DDR2: variants seen among roughly 807,000 people sequenced by gnomAD.
DDR2 encodes discoidin domain receptor tyrosine kinase 2, also known as discoidin domain-containing receptor 2.
In DDR2, 27 loss-of-function variants were observed where a neutral mutation model predicts 94.9. The ratio of observed to expected loss-of-function variants is 0.28; its 90% CI spans 0.21 to 0.39. The LOEUF (loss-of-function observed/expected upper bound fraction) is 0.39. DDR2 is among the 10% of genes least tolerant of loss of function. DDR2 has a pLI of 1.00. For synonymous variants in DDR2, 382 were observed against 377.2 expected (o/e 1.01, Z -0.15); for missense variants, 783 against 1,076.0 (o/e 0.73, Z 3.81).
In DDR2 at chr1:162,780,824, A is replaced by C; in HGVS notation, c.*578A>C. ...CAAAGTGAATGATATATTCTTGAAAACCCCCAATTTCTTGAAATGGGTGTT... is the reference window on the plus strand; with the variant it reads ...CAAAGTGAATGATATATTCTTGAAACCCCCCAATTTCTTGAAATGGGTGTT... On this transcript the variant is annotated 3_prime_UTR_variant, in exon 18 of 18. Transcript: ENST00000367921. 1 of 152,982 alleles carries C rather than the reference A, an allele frequency of 6.5e-6. No homozygotes were observed. Among genetic ancestry groups the C allele is most frequent in the Admixed American group, 6.5e-5 (1 of 15,462 alleles). 9.5% of individuals were successfully genotyped at this position (152,982 alleles called of 1,614,324 possible). A position where few individuals can be genotyped will look rare whatever the true frequency, so the allele number is the denominator to read the frequency against.
chr1:162,737,191 G>A lies in DDR2; in HGVS notation c.83-15904G>A, dbSNP rs1257949688. On this transcript the variant is annotated intron_variant, in intron 3 of 17. Coordinates refer to ENST00000367921, the MANE Select transcript of DDR2 (RefSeq NM_006182.4). ...TTTTTATTATACTTTAAGTTTTAGGGTACATGTGCACATTGTGCAGGTTAG... is the reference window on the plus strand; with the variant it reads ...TTTTTATTATACTTTAAGTTTTAGGATACATGTGCACATTGTGCAGGTTAG... Among the ~76,000 whole-genome samples, 3 of 138,182 alleles carry A rather than the reference G, an allele frequency of 2.2e-5. No individual in the cohort carries two copies. The Admixed American group carries it at 2.3e-4, about 11-fold the overall frequency. The allele number at this position is 138,182 out of a possible 152,430, so 90.7% of individuals were successfully genotyped here.
chr1:162,768,733 G>A (rs576930557), intron 11 of DDR2, among the ~76,000 whole-genome samples: 1 of 152,292 alleles, frequency 6.6e-6, no homozygotes, highest in South Asian at 2.1e-4. Context: ...AATATTTCAT[G>A]GAAGAGAAGG....
At chr1:162,661,100 A>G (rs1658271369) in intron 2 of DDR2, among the ~76,000 whole-genome samples, 1 of 152,196 alleles carries the variant, frequency 6.6e-6, no homozygotes, top group Non-Finnish European at 1.5e-5. Context: ...ATTCCCAGGC[A>G]ACCCACAAAG....
Position 162,765,461 on chromosome 1 carries a change from T to G in DDR2, c.1100-540T>G, listed in dbSNP as rs149031820. Among the ~76,000 whole-genome samples, 150 of 152,260 alleles carry G rather than the reference T, an allele frequency of 9.9e-4. 6 individuals are homozygous for G. In the East Asian group the frequency reaches 0.028, roughly 28 times the overall value. ...GCCAACATCAATCTGGCAAATACGC[T>G]TTTGTGGTTTAGTCTCAAAAGCTGT... On this transcript the variant is annotated intron_variant, in intron 9 of 17. Transcript: ENST00000367921.
chr1:162,700,228 C>A (rs1471185334), intron 2 of DDR2, among the ~76,000 whole-genome samples: 2 of 152,206 alleles, frequency 1.3e-5, no homozygotes, highest in African/African-American at 4.8e-5. Flanking sequence ...TGTTTGGCGA[C>A]AATATCCTGG....
intron 1 of DDR2, among the ~76,000 whole-genome samples, chr1:162,636,207 G>T (rs1656809190): frequency 6.6e-6 from 1 of 152,164 alleles, no homozygotes; most frequent in Non-Finnish European, 1.5e-5. Context: ...CCAGCATTTG[G>T]CAAATTGTGT....
At chr1:162,727,933 G>C (rs1661777245) in intron 3 of DDR2, among the ~76,000 whole-genome samples, 1 of 140,550 alleles carries the variant, frequency 7.1e-6, no homozygotes, top group African/African-American at 2.6e-5. Context: ...AGGACCAAGA[G>C]CTAAGTCGAC....
At chr1:162,658,552 C>T (rs1311004033) in intron 2 of DDR2, among the ~76,000 whole-genome samples, 10 of 151,290 alleles carry the variant, frequency 6.6e-5, no homozygotes, top group African/African-American at 1.7e-4. Flanking sequence ...CTCTTCAGGC[C>T]GCTCAATGGC....
At chr1:162,778,109 T>A (rs572410770) in intron 16 of DDR2, 1 of 251,040 alleles carries the variant, frequency 4.0e-6, no homozygotes, top group East Asian at 9.7e-5. Context: ...ATGCATGCTA[T>A]TTACACCTGA....
intron 2 of DDR2, among the ~76,000 whole-genome samples, chr1:162,675,725 C>G (rs1389664915): frequency 6.6e-6 from 1 of 151,998 alleles, no homozygotes; most frequent in Non-Finnish European, 1.5e-5. Context: ...GAGAAGTGGT[C>G]AATGAAGTTT....
chr1:162,655,381 AGG>A lies in DDR2; in HGVS notation c.-28+8_-28+9del, dbSNP rs1440419514. ...ATGCTCTGCACCCGTTGATGTAAGT[AGG>A]TCCAGTCACTGAGGCTCTGTTACCA... is the stretch of plus-strand genomic sequence containing the variant. On this transcript the variant is annotated splice_region_variant and intron_variant, in intron 2 of 17. Coordinates refer to ENST00000367921, the MANE Select transcript of DDR2 (RefSeq NM_006182.4). 4.6e-5 allele frequency: 7 copies of A among 152,278 alleles called. No homozygotes were observed. The highest frequency in any genetic ancestry group is 6.8e-3 in the Middle Eastern group (2 of 294). 9.4% of individuals were successfully genotyped at this position (152,278 alleles called of 1,614,324 possible). A position where few individuals can be genotyped will look rare whatever the true frequency, so the allele number is the denominator to read the frequency against.
At chr1:162,675,930 C>T (rs760850668) in intron 2 of DDR2, among the ~76,000 whole-genome samples, 4 of 152,094 alleles carry the variant, frequency 2.6e-5, no homozygotes, top group South Asian at 2.1e-4. Flanking sequence ...GAGAAGTCCT[C>T]GGCCTGGCCT....
chr1:162,741,835 A>C, intron 3 of DDR2: 1 of 760,624 alleles, frequency 1.3e-6, no homozygotes, highest in Non-Finnish European at 1.6e-6. Flanking sequence ...CTCTTTATTC[A>C]TTAAGTCACT....
At chr1:162,654,317 G>GGACTACA (rs1657849635) in intron 1 of DDR2, among the ~76,000 whole-genome samples, 1 of 151,980 alleles carries the variant, frequency 6.6e-6, no homozygotes, top group Non-Finnish European at 1.5e-5. Context: ...ATGGTGGTGT[G>GGACTACA]TGCCTGTAGT....
intron 1 of DDR2, among the ~76,000 whole-genome samples, chr1:162,635,862 T>C (rs1656791957): frequency 6.6e-6 from 1 of 152,244 alleles, no homozygotes; most frequent in South Asian, 2.1e-4. Context: ...CCTCTGCTGA[T>C]AAATCTCCAA....
intron 1 of DDR2, among the ~76,000 whole-genome samples, chr1:162,637,839 T>G (rs2101883472): frequency 6.6e-6 from 1 of 152,298 alleles, no homozygotes; most frequent in Admixed American, 6.5e-5. Context: ...GACGCAATTC[T>G]TGTCCTTAGG....
intron 1 of DDR2, among the ~76,000 whole-genome samples, chr1:162,645,462 A>G (rs1416586234): frequency 6.6e-6 from 1 of 152,206 alleles, no homozygotes. Flanking sequence ...GAGAGAGAGA[A>G]AAAGAAATCA....
chr1:162,657,743 C>T (rs889413466), intron 2 of DDR2, among the ~76,000 whole-genome samples: 7 of 152,080 alleles, frequency 4.6e-5, no homozygotes, highest in African/African-American at 9.7e-5. Context: ...CCGACGGCCC[C>T]GTGCTTATGA....
intron 2 of DDR2, among the ~76,000 whole-genome samples, chr1:162,706,880 C>T (rs78867170): frequency 2.1e-3 from 316 of 152,212 alleles, no homozygotes; most frequent in African/African-American, 7.0e-3. Context: ...AGAGAATGTC[C>T]GGCCAGCAAT....
Sources: gnomAD v4.1 joint callset for allele counts (sites outside exome capture counted in the v4.1 genomes callset) on GRCh38, gnomAD v4.1.1 for gene constraint, MANE v1.5 for transcripts, NCBI Gene and HGNC (gene_info 2026-07-23, HGNC 2026-07-21) for gene names.